The following MALRD1 variants were observed in gnomAD, a reference collection of about 807,000 sequenced individuals.
The protein encoded by MALRD1 is MAM and LDL-receptor class A domain-containing protein 1.
In MALRD1, 247 loss-of-function variants were observed where a neutral mutation model predicts 242.1. That is an observed-to-expected ratio of 1.02 (90% CI 0.92 to 1.13). The LOEUF (loss-of-function observed/expected upper bound fraction) is 1.13. MALRD1 is among the 50% of genes most tolerant of loss of function. MALRD1 has a pLI of 0.00. For synonymous variants in MALRD1, 995 were observed against 866.6 expected (o/e 1.15, Z -2.60); for missense variants, 2,989 against 2,533.1 (o/e 1.18, Z -3.86).
At chr10:19,654,470 A>G (rs1201599856) in intron 36 of MALRD1, among the ~76,000 whole-genome samples, 1 of 152,218 alleles carries the variant, frequency 6.6e-6, no homozygotes, top group East Asian at 1.9e-4. Context: ...ACAAATGACC[A>G]TTATCAATAT....
chr10:19,208,596 T>C (rs181569015), intron 17 of MALRD1, among the ~76,000 whole-genome samples: 26 of 152,296 alleles, frequency 1.7e-4, no homozygotes, highest in Admixed American at 9.2e-4. Context: ...ATTTTGGGAA[T>C]GAGGTCAGGA....
Position 19,495,265 on chromosome 10 carries a change from C to T in MALRD1, c.5159-3220C>T, listed in dbSNP as rs187281186. Among the ~76,000 whole-genome samples the T allele has an allele frequency of 3.4e-3, 518 of 151,938 alleles. 3 individuals are homozygous for T. The highest frequency in any genetic ancestry group is 6.8e-3 in the Middle Eastern group (2 of 294). On this transcript the variant is annotated intron_variant, in intron 30 of 39. Transcript: ENST00000454679. ...GTGCCGGGATTACAGGTATGAGCCACCACACCTGGCCATAATAATCACATT... is the reference window on the plus strand; with the variant it reads ...GTGCCGGGATTACAGGTATGAGCCATCACACCTGGCCATAATAATCACATT...
chr10:19,123,641 G>A, intron 6 of MALRD1, 48 bp downstream of exon 6: 1 of 1,071,132 alleles, frequency 9.3e-7, no homozygotes, highest in Non-Finnish European at 1.2e-6. Context: ...TATGCAATAT[G>A]TGAGACTCAG....
At chr10:19,188,773 A>G (rs1334779830) in intron 14 of MALRD1, among the ~76,000 whole-genome samples, 2 of 152,176 alleles carry the variant, frequency 1.3e-5, no homozygotes, top group African/African-American at 4.8e-5. Flanking sequence ...AGTGTCAGAA[A>G]TGGAAGCAGA....
rs140818664 is a variant in MALRD1, at chr10:19,131,630, G to A, written c.1111-2226G>A. ...ATTACATGGTCTTATTCCTAGATGC[G>A]ATCAAAAGTAGTGAAACTCAACAAC... On this transcript the variant is annotated intron_variant, in intron 8 of 39. Coordinates refer to ENST00000454679, the MANE Select transcript of MALRD1 (RefSeq NM_001142308.3). Among the ~76,000 whole-genome samples the A allele has an allele frequency of 1.4e-3, 213 of 152,004 alleles. 3 individuals carry two copies. The highest frequency in any genetic ancestry group is 0.01 in the Middle Eastern group (3 of 294).
chr10:19,410,837 TCTA>T (rs1833250658), intron 28 of MALRD1, among the ~76,000 whole-genome samples: 2 of 152,156 alleles, frequency 1.3e-5, no homozygotes, highest in African/African-American at 2.4e-5. Context: ...GATTTAGACA[TCTA>T]CTATGTCAAA....
chr10:19,253,960 A>G (rs990859037), intron 18 of MALRD1, among the ~76,000 whole-genome samples: 4 of 151,970 alleles, frequency 2.6e-5, no homozygotes, highest in African/African-American at 7.2e-5. Context: ...TGATGGTTTT[A>G]TAAGGGGTTT....
intron 36 of MALRD1, among the ~76,000 whole-genome samples, chr10:19,652,210 G>C (rs896740498): frequency 6.6e-6 from 1 of 152,206 alleles, no homozygotes; most frequent in African/African-American, 2.4e-5. Context: ...AGTGTCAGGT[G>C]TGTCCAATTT....
In MALRD1 at chr10:19,136,025, T is replaced by A. The variant is rs578122732; in HGVS notation, c.1204-549T>A. 2.0e-5 allele frequency among the ~76,000 whole-genome samples: 3 copies of A among 152,312 alleles called. No individual in the cohort carries two copies. The East Asian group carries it at 5.8e-4, about 29-fold the overall frequency. The stretch of plus-strand genomic sequence containing the variant: ...ACTCTTTTATGTAAGTTGAATAGAG[T>A]TTTATGTTTATTCCCTTACATTTTT... On this transcript the variant is annotated intron_variant, in intron 9 of 39. Transcript: ENST00000454679.
rs145355400 is a variant in MALRD1 at position 19,589,606 on chromosome 10, G to A, written c.5681-5588G>A. On this transcript the variant is annotated intron_variant, in intron 33 of 39. Coordinates refer to ENST00000454679, the MANE Select transcript of MALRD1 (RefSeq NM_001142308.3). ...GTCTGTATAATACCCCTAATCAGATGTAGCTTGAAAACTGTTGACTTAACA... is the reference window on the plus strand; with the variant it reads ...GTCTGTATAATACCCCTAATCAGATATAGCTTGAAAACTGTTGACTTAACA... Among the ~76,000 whole-genome samples the A allele has an allele frequency of 2.9e-3, 436 of 152,242 alleles. 2 individuals are homozygous for A. Among genetic ancestry groups the A allele is most frequent in the East Asian group, 0.018 (95 of 5,178 alleles).
intron 5 of MALRD1, among the ~76,000 whole-genome samples, chr10:19,121,667 T>C (rs552014811): frequency 3.5e-4 from 54 of 152,204 alleles, no homozygotes; most frequent in African/African-American, 1.3e-3. Flanking sequence ...CGAGCAGAGA[T>C]GAAATTTCTG....
rs61437328 is a variant in MALRD1 at position 19,705,804 on chromosome 10, TA to T, written c.6314+13264del. Among the ~76,000 whole-genome samples the T allele has an allele frequency of 3.6e-3, 375 of 102,780 alleles. 5 individuals are homozygous for T. Among genetic ancestry groups the T allele is most frequent in the Non-Finnish European group, 4.4e-3 (248 of 56,348 alleles). The allele number at this position is 102,780 out of a possible 152,430, so 67.4% of individuals were successfully genotyped here. ...ACCTTGTTCTCATGTCCTGCAATAG[TA>T]AAAAAAAAAAAAAGCCCACAAGAGA... On this transcript the variant is annotated intron_variant, in intron 38 of 39. Coordinates refer to ENST00000454679, the MANE Select transcript of MALRD1 (RefSeq NM_001142308.3).
chr10:19,568,684 G>GA (rs914957397), intron 33 of MALRD1, among the ~76,000 whole-genome samples: 11 of 136,928 alleles, frequency 8.0e-5, no homozygotes, highest in African/African-American at 2.4e-4. Flanking sequence ...ACATTAATAA[G>GA]AAAAAAATAT....
At chr10:19,248,814 T>G (rs2131776164) in intron 18 of MALRD1, among the ~76,000 whole-genome samples, 1 of 151,136 alleles carries the variant, frequency 6.6e-6, no homozygotes, top group East Asian at 1.9e-4. Flanking sequence ...CATTTAGTAT[T>G]AAAATGATAG....
At chr10:19,317,656 A>T (rs1291394748) in intron 21 of MALRD1, among the ~76,000 whole-genome samples, 19 of 151,986 alleles carry the variant, frequency 1.3e-4, no homozygotes, top group African/African-American at 3.6e-4. Context: ...TTACTGAAAA[A>T]TATCTTGATT....
intron 5 of MALRD1, among the ~76,000 whole-genome samples, chr10:19,118,542 A>G (rs758154812): frequency 9.9e-5 from 15 of 152,222 alleles, no homozygotes; most frequent in African/African-American, 1.2e-4. Flanking sequence ...GTAAGTTACA[A>G]TAAGAGCTCG....
At chr10:19,709,905 C>G (rs551917013) in intron 38 of MALRD1, among the ~76,000 whole-genome samples, 13 of 152,170 alleles carry the variant, frequency 8.5e-5, no homozygotes, top group African/African-American at 3.1e-4. Context: ...TGAAAAACCT[C>G]TGGAAAGTAG....
At position 19,529,787 on chromosome 10, in the gene MALRD1, G is replaced by T. The variant is rs1834269860; in HGVS notation, c.5321-1407G>T. 2.0e-5 allele frequency among the ~76,000 whole-genome samples: 3 copies of T among 151,926 alleles called. No homozygotes were observed. The East Asian group carries it at 5.8e-4, about 29-fold the overall frequency. On this transcript the variant is annotated intron_variant, in intron 31 of 39. Coordinates refer to ENST00000454679, the MANE Select transcript of MALRD1 (RefSeq NM_001142308.3). The stretch of plus-strand genomic sequence containing the variant: ...AAAGGCATGGAGAAACATATACCAT[G>T]CTAACATTAATCAAAAGAATGTAGA...
intron 2 of MALRD1, among the ~76,000 whole-genome samples, chr10:19,084,986 A>G (rs1835618568): frequency 1.3e-5 from 2 of 152,006 alleles, no homozygotes; most frequent in Non-Finnish European, 2.9e-5. Flanking sequence ...TCATGTAAAC[A>G]AGCTATAATG....
Sources: allele counts gnomAD v4.1 joint callset (sites outside exome capture counted in the v4.1 genomes callset), GRCh38; gene constraint gnomAD v4.1.1; transcripts MANE v1.5; gene names NCBI Gene and HGNC (gene_info 2026-07-23, HGNC 2026-07-21).